The following RAD51B variants were observed in gnomAD, a reference collection of about 807,000 sequenced individuals.
RAD51B encodes RAD51 paralog B, also known as DNA repair protein RAD51 homolog 2.
RAD51B carries 38 observed loss-of-function variants against 42.2 expected under a neutral mutation model. That is an observed-to-expected ratio of 0.90 (90% confidence interval 0.70 to 1.18). The LOEUF is 1.18. RAD51B is among the 50% of genes most tolerant of loss of function. The pLI, the probability that RAD51B is intolerant of heterozygous loss-of-function variation, is 0.00. For synonymous variants in RAD51B, 154 were observed against 145.2 expected, an observed-to-expected ratio of 1.06 and a Z score of -0.43; for missense variants, 373 against 400.7, an observed-to-expected ratio of 0.93 and a Z score of 0.59.
intron 7 of RAD51B, among the ~76,000 whole-genome samples, chr14:68,076,138 T>C (rs1428866352): frequency 1.3e-5 from 2 of 152,194 alleles, no homozygotes; most frequent in African/African-American, 4.8e-5. Context: ...GAGGAGAGTA[T>C]CAAGCTTTAC....
At chr14:68,391,429 G>A (rs1263475693) in intron 8 of RAD51B, among the ~76,000 whole-genome samples, 1 of 152,070 alleles carries the variant, frequency 6.6e-6, no homozygotes, top group East Asian at 1.9e-4. Context: ...GCCTTGAGCA[G>A]AAATGGGATC....
chr14:68,025,430 C>G (rs911561438), intron 7 of RAD51B, among the ~76,000 whole-genome samples: 1 of 105,560 alleles, frequency 9.5e-6, no homozygotes, highest in Non-Finnish European at 1.9e-5. Flanking sequence ...ACCAGTTCTT[C>G]TTTGTATGTC....
intron 7 of RAD51B, among the ~76,000 whole-genome samples, chr14:68,042,251 A>C (rs1482188649): frequency 6.6e-6 from 1 of 152,182 alleles, no homozygotes; most frequent in African/African-American, 2.4e-5. Context: ...GATGAGTAGA[A>C]GTTGCATCTA....
intron 3 of RAD51B, among the ~76,000 whole-genome samples, chr14:67,829,766 A>G (rs1295851999): frequency 1.3e-5 from 2 of 152,170 alleles, no homozygotes; most frequent in African/African-American, 4.8e-5. Flanking sequence ...ACAAGTTTAT[A>G]CAGTCCAGCC....
chr14:68,623,381 C>G (rs1000134632), intron 10 of RAD51B, among the ~76,000 whole-genome samples: 1 of 152,220 alleles, frequency 6.6e-6, no homozygotes, highest in African/African-American at 2.4e-5. Context: ...TTTCCCTTCC[C>G]TCTCCAACAC....
At chr14:68,259,463 A>C (rs2080832677) in intron 7 of RAD51B, among the ~76,000 whole-genome samples, 1 of 152,184 alleles carries the variant, frequency 6.6e-6, no homozygotes, top group Non-Finnish European at 1.5e-5. Context: ...ATAATAAAAT[A>C]AAAATAAATA....
intron 7 of RAD51B, among the ~76,000 whole-genome samples, chr14:68,277,708 A>G (rs1696365370): frequency 6.6e-6 from 1 of 152,182 alleles, no homozygotes; most frequent in East Asian, 1.9e-4. Context: ...ACATCTTGCC[A>G]CAGGTGAGAA....
chr14:68,002,885 A>G (rs139484031), intron 7 of RAD51B, among the ~76,000 whole-genome samples: 9,095 of 152,102 alleles, frequency 0.06, 632 homozygotes, highest in African/African-American at 0.17. Flanking sequence ...CCATTGGTCT[A>G]TATGTCTGTT....
intron 11 of RAD51B, among the ~76,000 whole-genome samples, chr14:68,657,083 G>T (rs1249271610): frequency 6.6e-6 from 1 of 152,226 alleles, no homozygotes; most frequent in Non-Finnish European, 1.5e-5. Flanking sequence ...GCACTGTCCA[G>T]TAGGACAGCC....
At chr14:68,155,799 A>G (rs970030488) in intron 7 of RAD51B, among the ~76,000 whole-genome samples, 1 of 152,214 alleles carries the variant, frequency 6.6e-6, no homozygotes, top group Admixed American at 6.5e-5. Flanking sequence ...CCAGGATGCA[A>G]TATACAAAGG....
intron 7 of RAD51B, among the ~76,000 whole-genome samples, chr14:67,899,580 C>T (rs1036156741): frequency 3.9e-5 from 6 of 152,110 alleles, no homozygotes; most frequent in Admixed American, 6.6e-5. Flanking sequence ...GCTTTGAAGT[C>T]CCTTTTAAGA....
chr14:68,008,569 T>C (rs1005458170), intron 7 of RAD51B, among the ~76,000 whole-genome samples: 6 of 150,654 alleles, frequency 4.0e-5, no homozygotes, highest in Non-Finnish European at 7.4e-5. Context: ...TATTGCTCTC[T>C]AACTAGGGAA....
chr14:67,955,070 GAGAT>G (rs2140215923), intron 7 of RAD51B, among the ~76,000 whole-genome samples: 1 of 152,218 alleles, frequency 6.6e-6, no homozygotes, highest in South Asian at 2.1e-4. Context: ...GAGGAAAAAA[GAGAT>G]AGGAGAAAAG....
rs145696497 is a variant in RAD51B at position 68,571,446 on chromosome 14, G to A, written c.1037-23039G>A. Among the ~76,000 whole-genome samples, 698 of 152,248 alleles carry A rather than the reference G, an allele frequency of 4.6e-3. 5 individuals carry two copies. Among genetic ancestry groups the A allele is most frequent in the African/African-American group, 0.016 (662 of 41,546 alleles). The stretch of plus-strand genomic sequence containing the variant: ...TTGTTTTTTCCAGCTTCTAGAGGCC[G>A]CCCACATTCCTTGACTCATGGCCCC... On this transcript the variant is annotated intron_variant, in intron 10 of 10. Coordinates refer to the RAD51B transcript ENST00000487270.
chr14:67,859,593 G>T (rs770606056), intron 4 of RAD51B, among the ~76,000 whole-genome samples: 3 of 152,256 alleles, frequency 2.0e-5, no homozygotes, highest in Non-Finnish European at 4.4e-5. Context: ...GAACATGTGG[G>T]ACAGGAAGTT....
intron 7 of RAD51B, among the ~76,000 whole-genome samples, chr14:67,970,651 G>C (rs1320302594): frequency 6.6e-6 from 1 of 152,026 alleles, no homozygotes; most frequent in Non-Finnish European, 1.5e-5. Context: ...TAACCTGTTA[G>C]ATTCTCATTC....
At chr14:68,260,856 T>A (rs530355448) in intron 7 of RAD51B, among the ~76,000 whole-genome samples, 1 of 152,320 alleles carries the variant, frequency 6.6e-6, no homozygotes, top group South Asian at 2.1e-4. Context: ...ACAGCTAACA[T>A]AAACAATTAC....
chr14:68,577,681 CTTTA>C (rs1252262750), intron 10 of RAD51B, among the ~76,000 whole-genome samples: 1 of 152,054 alleles, frequency 6.6e-6, no homozygotes, highest in African/African-American at 2.4e-5. Context: ...CCAGCCCCTG[CTTTA>C]TTTTTCTATA....
At chr14:67,851,768 T>G (rs1055605570) in intron 4 of RAD51B, among the ~76,000 whole-genome samples, 1 of 152,104 alleles carries the variant, frequency 6.6e-6, no homozygotes, top group Non-Finnish European at 1.5e-5. Flanking sequence ...GGATGGGTAC[T>G]GCAGCAGCTG....
Sources: allele counts gnomAD v4.1 joint callset (sites outside exome capture counted in the v4.1 genomes callset), GRCh38; gene constraint gnomAD v4.1.1; transcripts MANE v1.5; gene names NCBI Gene and HGNC (gene_info 2026-07-23, HGNC 2026-07-21).